MEGF11: variants seen among roughly 807,000 people sequenced by gnomAD.
The protein encoded by MEGF11 is multiple epidermal growth factor-like domains protein 11.
A neutral mutation model predicts 146.6 loss-of-function variants in MEGF11; 126 were observed. The ratio of observed to expected loss-of-function variants is 0.86; its 90% CI spans 0.74 to 1.00. The LOEUF (loss-of-function observed/expected upper bound fraction) is 1.00, where lower values mean the gene tolerates loss of function less well. Among genes scored for constraint, MEGF11 ranks in the 50% least tolerant of loss-of-function variants. The probability of loss-of-function intolerance (pLI) is 0.00; values close to 1 mark genes in which losing one functional copy is unlikely to be tolerated. For synonymous variants in MEGF11, 532 were observed against 583.4 expected (o/e 0.91, Z 1.27); for missense variants, 1,509 against 1,521.2 (o/e 0.99, Z 0.13).
chr15:66,185,749 G>A (rs550944071), intron 1 of MEGF11, among the ~76,000 whole-genome samples: 2 of 152,310 alleles, frequency 1.3e-5, no homozygotes, highest in East Asian at 3.9e-4. Flanking sequence ...CAGCAGCCAG[G>A]CACCAGGTAG....
At chr15:65,938,743 C>T (rs2079874596) in intron 10 of MEGF11, among the ~76,000 whole-genome samples, 1 of 152,234 alleles carries the variant, frequency 6.6e-6, no homozygotes, top group African/African-American at 2.4e-5. Context: ...TACTAACAAA[C>T]CCTCGACGCT....
chr15:66,094,843 A>G (rs539068652), intron 4 of MEGF11, among the ~76,000 whole-genome samples: 2 of 152,184 alleles, frequency 1.3e-5, no homozygotes, highest in South Asian at 4.2e-4. Flanking sequence ...CTCTTTCCCC[A>G]TCTGCTTAGG....
At chr15:66,092,960 C>T (rs2086381197) in intron 5 of MEGF11, among the ~76,000 whole-genome samples, 1 of 152,226 alleles carries the variant, frequency 6.6e-6, no homozygotes, top group Non-Finnish European at 1.5e-5. Context: ...GAAGCCCAGA[C>T]ATTTTACCCA....
chr15:66,152,208 A>T (rs2089596208), intron 1 of MEGF11, among the ~76,000 whole-genome samples: 1 of 151,594 alleles, frequency 6.6e-6, no homozygotes, highest in South Asian at 2.1e-4. Flanking sequence ...CGGTGTCCCC[A>T]CTTATGAATA....
chr15:65,919,900 C>T (rs1361441337), intron 15 of MEGF11, among the ~76,000 whole-genome samples: 1 of 148,492 alleles, frequency 6.7e-6, no homozygotes, highest in Non-Finnish European at 1.5e-5. Flanking sequence ...TGAACCACTG[C>T]ACCCGGCCAA....
intron 4 of MEGF11, among the ~76,000 whole-genome samples, 156 bp downstream of exon 4, chr15:66,118,930 T>C (rs12905607): frequency 0.18 from 27,210 of 152,150 alleles, 2,892 homozygotes; most frequent in East Asian, 0.37. Flanking sequence ...CATTATTCCT[T>C]CTGAGCACTG....
At chr15:65,914,249 A>G (rs1057390260) in intron 19 of MEGF11, 2 of 527,444 alleles carry the variant, frequency 3.8e-6, no homozygotes, top group Non-Finnish European at 6.7e-6. Flanking sequence ...GTTAACAGAT[A>G]TTAATTCATT....
At chr15:66,116,873 G>A (rs998175854) in intron 4 of MEGF11, among the ~76,000 whole-genome samples, 1 of 152,202 alleles carries the variant, frequency 6.6e-6, no homozygotes, top group Non-Finnish European at 1.5e-5. Context: ...GAGGTTCAGA[G>A]AGGTAAAGCC....
intron 1 of MEGF11, among the ~76,000 whole-genome samples, chr15:66,169,929 A>G (rs1444099655): frequency 6.6e-6 from 1 of 152,076 alleles, no homozygotes; most frequent in African/African-American, 2.4e-5. Context: ...ACTGGGCCCC[A>G]TGAGTCCACA....
chr15:66,039,314 G>T (rs189676785), intron 5 of MEGF11, among the ~76,000 whole-genome samples: 1 of 152,286 alleles, frequency 6.6e-6, no homozygotes, highest in Non-Finnish European at 1.5e-5. Flanking sequence ...GGCGGGAGAG[G>T]CTTTGCTCAG....
intron 1 of MEGF11, among the ~76,000 whole-genome samples, chr15:66,180,007 C>A (rs1567274362): frequency 6.6e-6 from 1 of 152,150 alleles, no homozygotes; most frequent in Non-Finnish European, 1.5e-5. Flanking sequence ...TCCCAAGAGT[C>A]CCTTCTTCCT....
At chr15:66,191,039 C>T (rs1415539912) in intron 1 of MEGF11, among the ~76,000 whole-genome samples, 1 of 152,130 alleles carries the variant, frequency 6.6e-6, no homozygotes, top group Non-Finnish European at 1.5e-5. Flanking sequence ...AGGACACAGC[C>T]CGGCTGGACT....
chr15:66,108,477 AAAAACAAAAC>A (rs755646963), intron 4 of MEGF11, among the ~76,000 whole-genome samples: 9 of 152,368 alleles, frequency 5.9e-5, no homozygotes, highest in Admixed American at 2.0e-4. Context: ...GTGCAAAGAA[AAAAACAAAAC>A]AAAACAAAAC....
intron 1 of MEGF11, among the ~76,000 whole-genome samples, chr15:66,201,319 G>T (rs2091151313): frequency 6.6e-6 from 1 of 152,044 alleles, no homozygotes; most frequent in Non-Finnish European, 1.5e-5. Context: ...TCCTCCTCCT[G>T]CAGAATGTGG....
chr15:66,124,245 C>T (rs746947535), intron 2 of MEGF11, among the ~76,000 whole-genome samples: 1 of 152,044 alleles, frequency 6.6e-6, no homozygotes, highest in Non-Finnish European at 1.5e-5. Context: ...TTCTAAAATT[C>T]GAGTTCATTT....
chr15:65,970,758 A>G (rs1422675075), intron 7 of MEGF11, 69 bp from the exon 8 acceptor site: 1 of 1,521,562 alleles, frequency 6.6e-7, no homozygotes, highest in Non-Finnish European at 8.9e-7. Context: ...GGAATGGCAC[A>G]CCTGCTGTGG....
chr15:66,206,626 G>A (rs780692761), intron 1 of MEGF11, among the ~76,000 whole-genome samples: 2 of 152,164 alleles, frequency 1.3e-5, no homozygotes, highest in Non-Finnish European at 2.9e-5. Flanking sequence ...TAGAGGCCAG[G>A]CGTGGTGGCT....
At chr15:66,234,544 A>G (rs1567293676) in intron 1 of MEGF11, among the ~76,000 whole-genome samples, 1 of 152,180 alleles carries the variant, frequency 6.6e-6, no homozygotes, top group Non-Finnish European at 1.5e-5. Flanking sequence ...CCTTGGGACC[A>G]CCTGGTTTAC....
chr15:66,160,361 C>G (rs1359809049), intron 1 of MEGF11, among the ~76,000 whole-genome samples: 2 of 151,652 alleles, frequency 1.3e-5, no homozygotes, highest in Non-Finnish European at 2.9e-5. Context: ...AGCCAACAGG[C>G]AAAGAACAGG....
Sources: allele counts gnomAD v4.1 joint callset (sites outside exome capture counted in the v4.1 genomes callset), GRCh38; gene constraint gnomAD v4.1.1; transcripts MANE v1.5; gene names NCBI Gene and HGNC (gene_info 2026-07-23, HGNC 2026-07-21).